Variants in ULK4 observed in about 807,000 individuals in gnomAD.
ULK4 encodes the protein unc-51 like kinase 4.
ULK4 carries 133 observed loss-of-function variants against 160.6 expected under a neutral mutation model. The ratio of observed to expected loss-of-function variants is 0.83; its 90% CI spans 0.72 to 0.96. The LOEUF is 0.96. Among genes scored for constraint, ULK4 ranks in the 40% least tolerant of loss-of-function variants. The pLI, the probability that ULK4 is intolerant of heterozygous loss-of-function variation, is 0.00. For synonymous variants in ULK4, 534 were observed against 539.8 expected (o/e 0.99, Z 0.15); for missense variants, 1,580 against 1,499.5 (o/e 1.05, Z -0.89).
At chr3:41,686,493 T>C (rs972209305) in intron 27 of ULK4, among the ~76,000 whole-genome samples, 1 of 152,190 alleles carries the variant, frequency 6.6e-6, no homozygotes, top group African/African-American at 2.4e-5. Context: ...TGTGTGTGTG[T>C]GTGTAAGATA....
intron 17 of ULK4, among the ~76,000 whole-genome samples, chr3:41,857,391 G>T (rs1328881994): frequency 6.6e-6 from 1 of 152,138 alleles, no homozygotes; most frequent in African/African-American, 2.4e-5. Flanking sequence ...AGAGATACTA[G>T]CCCATAGTTT....
intron 21 of ULK4, among the ~76,000 whole-genome samples, chr3:41,770,367 T>G (rs907549480): frequency 6.6e-6 from 1 of 152,190 alleles, no homozygotes; most frequent in African/African-American, 2.4e-5. Flanking sequence ...CTTCATGCTT[T>G]CCATGTTGAC....
At chr3:41,920,080 A>G (rs886310104) in intron 5 of ULK4, among the ~76,000 whole-genome samples, 4 of 152,226 alleles carry the variant, frequency 2.6e-5, no homozygotes, top group Non-Finnish European at 5.9e-5. Context: ...TTAAATTTCA[A>G]TTAGAATAGT....
chr3:41,835,994 A>AAAG, intron 17 of ULK4, 23 bp from the exon 18 acceptor site: 1 of 1,398,204 alleles, frequency 7.2e-7, no homozygotes, highest in Non-Finnish European at 1.0e-6. Context: ...AAAAAAAAAA[A>AAAG]GTAAATTATT....
intron 35 of ULK4, among the ~76,000 whole-genome samples, chr3:41,284,975 C>A (rs904270137): frequency 6.6e-6 from 1 of 152,016 alleles, no homozygotes; most frequent in African/African-American, 2.4e-5. Flanking sequence ...AAATGGCCAA[C>A]AAACATGAAA....
At chr3:41,858,132 G>C (rs2042406741) in intron 17 of ULK4, among the ~76,000 whole-genome samples, 1 of 133,118 alleles carries the variant, frequency 7.5e-6, no homozygotes, top group South Asian at 2.2e-4. Context: ...GTATCCCATA[G>C]GGTTTTTTTT....
At chr3:41,406,154 A>C (rs937273416) in intron 34 of ULK4, among the ~76,000 whole-genome samples, 3 of 152,326 alleles carry the variant, frequency 2.0e-5, no homozygotes, top group South Asian at 2.1e-4. Context: ...ATATGGCAAA[A>C]GATAGTGGTC....
At chr3:41,416,090 C>T (rs561829881) in intron 34 of ULK4, among the ~76,000 whole-genome samples, 52 of 152,252 alleles carry the variant, frequency 3.4e-4, no homozygotes, top group African/African-American at 1.0e-3. Flanking sequence ...GAAATGACCA[C>T]GCTGATACAG....
intron 18 of ULK4, among the ~76,000 whole-genome samples, chr3:41,824,735 G>A (rs896836103): frequency 6.6e-6 from 1 of 152,168 alleles, no homozygotes; most frequent in African/African-American, 2.4e-5. Flanking sequence ...CTCCACCTCT[G>A]GGGGCAGGGC....
chr3:41,491,192 A>T (rs2084747926), intron 32 of ULK4, among the ~76,000 whole-genome samples: 1 of 152,206 alleles, frequency 6.6e-6, no homozygotes. Context: ...TGAATAGGAA[A>T]GCTCAATTTC....
At chr3:41,605,396 G>C (rs2032328412) in intron 31 of ULK4, among the ~76,000 whole-genome samples, 1 of 151,818 alleles carries the variant, frequency 6.6e-6, no homozygotes. Context: ...AATAGGTTAA[G>C]AGTTAAGGAA....
chr3:41,467,256 C>T (rs922531083), intron 32 of ULK4, among the ~76,000 whole-genome samples: 1 of 152,066 alleles, frequency 6.6e-6, no homozygotes, highest in Non-Finnish European at 1.5e-5. Context: ...GGCCAGGCAC[C>T]GTGGCTCACA....
chr3:41,826,367 C>T (rs7432737), intron 18 of ULK4, among the ~76,000 whole-genome samples: 38,604 of 151,798 alleles, frequency 0.25, 6,082 homozygotes, highest in African/African-American at 0.45. Flanking sequence ...GACTGGCAAA[C>T]TGGATCAAGA....
At chr3:41,643,309 G>C (rs1265470279) in intron 30 of ULK4, among the ~76,000 whole-genome samples, 2 of 152,100 alleles carry the variant, frequency 1.3e-5, no homozygotes, top group Admixed American at 6.5e-5. Flanking sequence ...TTCTTCTACG[G>C]TTTTTATGGT....
At position 41,398,144 on chromosome 3, in the gene ULK4, G is replaced by A. The variant is rs1238615974; in HGVS notation, c.3613C>T (p.His1205Tyr). The part of the protein sequence containing the change: ...LSPENVEIFA[H>Y]LLTSKEDPKE... ...GGGTCCTCCTTGGATGTCAGTAAAT[G>A]AGCAAAAATTTCCACATTTTCAGGA... The change falls in exon 35 of 37, where the codon CAT becomes TAT. Residue 1205 changes from histidine (H) to tyrosine (Y), a missense_variant. By Grantham distance (83) the His-to-Tyr change is moderately conservative. Coordinates refer to ENST00000301831, the MANE Select transcript of ULK4 (RefSeq NM_017886.4). The A allele has an allele frequency of 1.9e-6, 3 of 1,613,376 alleles. No individual in the cohort carries two copies. Among genetic ancestry groups the A allele is most frequent in the African/African-American group, 1.3e-5 (1 of 74,846 alleles).
intron 34 of ULK4, among the ~76,000 whole-genome samples, chr3:41,423,454 C>T (rs758442311): frequency 5.9e-5 from 9 of 152,092 alleles, no homozygotes; most frequent in Admixed American, 2.6e-4. Context: ...AAAGATAGGA[C>T]GGGCTCAGGC....
At chr3:41,934,602 C>T (rs1416406524) in intron 4 of ULK4, among the ~76,000 whole-genome samples, 1 of 152,094 alleles carries the variant, frequency 6.6e-6, no homozygotes, top group Non-Finnish European at 1.5e-5. Flanking sequence ...CTCCATGTGA[C>T]AAAGAAACTA....
At chr3:41,890,266 A>G (rs1354635928) in intron 16 of ULK4, among the ~76,000 whole-genome samples, 2 of 152,250 alleles carry the variant, frequency 1.3e-5, no homozygotes, top group Non-Finnish European at 2.9e-5. Context: ...GTGAGAAAGC[A>G]AAAGAAAATT....
intron 35 of ULK4, among the ~76,000 whole-genome samples, chr3:41,340,761 C>T (rs2080665313): frequency 6.6e-6 from 1 of 152,190 alleles, no homozygotes. Context: ...TCTTTCGTCT[C>T]TGATGTGCTA....
Sources: gnomAD v4.1 joint callset for allele counts (sites outside exome capture counted in the v4.1 genomes callset) on GRCh38, gnomAD v4.1.1 for gene constraint, MANE v1.5 for transcripts, NCBI Gene and HGNC (gene_info 2026-07-23, HGNC 2026-07-21) for gene names.